PCDHB6: variants seen among roughly 807,000 people sequenced by gnomAD.
PCDHB6 encodes the protein protocadherin beta-6.
For synonymous variants in PCDHB6, 506 were observed against 459.0 expected, an observed-to-expected ratio of 1.10 and a Z score of -1.31; for missense variants, 1,137 against 1,010.1, an observed-to-expected ratio of 1.13 and a Z score of -1.70.
Position 141,151,073 on chromosome 5 carries a change from G to T in PCDHB6, c.816G>T (p.Ser272=). 8.1e-6 allele frequency: 13 copies of T among 1,614,238 alleles called. No individual in the cohort carries two copies. The highest frequency in any genetic ancestry group is 1.1e-5 in the South Asian group (1 of 91,088). The change falls in exon 1 of 1, where the codon TCG becomes TCT. Residue 272 remains serine (S), a synonymous_variant. Coordinates refer to ENST00000231136, the MANE Select transcript of PCDHB6 (RefSeq NM_018939.4). Reference sequence around the variant, plus strand: ...CAGCCAGAGATTTAGATGCAGGATCGTTTGGGAAGGTATCTTACGCCCTGT... The same window carrying T: ...CAGCCAGAGATTTAGATGCAGGATCTTTTGGGAAGGTATCTTACGCCCTGT... ...TVSARDLDAG[S]FGKVSYALFQ...
rs1752916335 is a variant in PCDHB6, at chr5:141,152,586, A to C, written c.2329A>C (p.Thr777Pro). ...PIMPNFPPQG[T>P]EREMEETPTS... ...TATGCCCAACTTCCCTCCTCAGGGC[A>C]CTGAGAGAGAAATGGAAGAAACCCC... The change falls in exon 1 of 1, where the codon ACT (threonine) becomes CCT (proline). Residue 777 changes from threonine (T) to proline (P), a missense_variant. Thr to Pro is a conservative substitution (Grantham distance 38, BLOSUM62 -1). Transcript: ENST00000231136. The C allele has an allele frequency of 1.9e-6, 3 of 1,612,544 alleles. No homozygotes were observed. Among genetic ancestry groups the C allele is most frequent in the African/African-American group, 1.3e-5 (1 of 74,728 alleles).
Position 141,151,344 on chromosome 5 carries a change from G to A in PCDHB6, c.1087G>A (p.Val363Met), listed in dbSNP as rs782360167. 6.2e-6 allele frequency: 10 copies of A among 1,614,038 alleles called. No homozygotes were observed. The highest frequency in any genetic ancestry group is 1.3e-5 in the African/African-American group (1 of 74,904). ...CCCAGAAAACTTACCAGAGATCACA[G>A]TGGCAGTTTTCAGTGTTTCAGATGC... The part of the protein sequence containing the change: ...LIPENLPEIT[V>M]AVFSVSDADS... Residue 363 changes from valine (V) to methionine (M), a missense_variant, in exon 1 of 1, where the codon GTG becomes ATG. Coordinates refer to ENST00000231136, the MANE Select transcript of PCDHB6 (RefSeq NM_018939.4).
In PCDHB6 at chr5:141,151,117, A is replaced by G. The variant is rs372655532; in HGVS notation, c.860A>G (p.Asn287Ser). The G allele has an allele frequency of 4.3e-6, 7 of 1,614,134 alleles. No individual in the cohort carries two copies. The African/African-American group carries it at 9.3e-5, about 22-fold the overall frequency. Reference protein sequence around the residue: ...SYALFQVDDVNQPFEINAITG... With the variant: ...SYALFQVDDVSQPFEINAITG... ...GCCCTGTTTCAAGTCGATGACGTCA[A>G]CCAACCCTTCGAAATAAACGCAATC... The change falls in exon 1 of 1, where the codon AAC becomes AGC. Residue 287 changes from asparagine to serine, a missense_variant. By Grantham distance (46) the Asn-to-Ser change is conservative. Transcript: ENST00000231136.
rs10074020 is a variant in PCDHB6, at chr5:141,152,907, A to C, written c.*265A>C. ...TAAATTATCTATTCTTCCCCCCCCC[A>C]AAAAAAAGTATTGTAAATCCTTAAG... On this transcript the variant is annotated 3_prime_UTR_variant, in exon 1 of 1. Coordinates refer to ENST00000231136, the MANE Select transcript of PCDHB6 (RefSeq NM_018939.4). The C allele has an allele frequency of 0.43, 83,234 of 195,480 alleles. 17,393 individuals carry two copies. Among genetic ancestry groups the C allele is most frequent in the East Asian group, 0.51 (3,585 of 7,064 alleles). 12.1% of individuals were successfully genotyped at this position (195,480 alleles called of 1,614,324 possible).
rs782626231 is a variant in PCDHB6 at position 141,152,587 on chromosome 5, CTG to C, written c.2331_2332del (p.Glu780AsnfsTer10). 1 of 1,612,776 alleles carries C rather than the reference CTG, an allele frequency of 6.2e-7. No homozygotes were observed. The highest frequency in any genetic ancestry group is 8.5e-7 in the Non-Finnish European group (1 of 1,179,196). ...ATGCCCAACTTCCCTCCTCAGGGCA[CTG>C]AGAGAGAAATGGAAGAAACCCCCAC... On this transcript the variant is annotated frameshift_variant, in exon 1 of 1. Coordinates refer to ENST00000231136, the MANE Select transcript of PCDHB6 (RefSeq NM_018939.4). LOFTEE classifies it low-confidence loss of function (END_TRUNC).
Position 141,150,537 on chromosome 5 carries a change from C to T in PCDHB6, c.280C>T (p.Leu94=). 1 of 1,614,136 alleles carries T rather than the reference C, an allele frequency of 6.2e-7. No homozygotes were observed. Among genetic ancestry groups the T allele is most frequent in the Non-Finnish European group, 8.5e-7 (1 of 1,180,026 alleles). The stretch of plus-strand genomic sequence containing the variant: ...AAATGAAAAACTGGACCGGGAGGAG[C>T]TGTGTGGCTCCACTGAGCCGTGTGT... ...LLNEKLDREE[L]CGSTEPCVLP... Residue 94 remains leucine (L), a synonymous_variant, in exon 1 of 1, where the codon CTG becomes TTG. Transcript: ENST00000231136.
chr5:141,150,802 G>C lies in PCDHB6; in HGVS notation c.545G>C (p.Arg182Pro). The change falls in exon 1 of 1, where the codon CGC becomes CCC. Residue 182 changes from arginine (R) to proline (P), a missense_variant. By Grantham distance (103) the Arg-to-Pro change is moderately radical. Coordinates refer to ENST00000231136, the MANE Select transcript of PCDHB6 (RefSeq NM_018939.4). ...AACCCTCACTTCCACGTTCTCACCC[G>C]CAATCGCAGCGAAGGCAGGAAGTTC... ...SSNPHFHVLT[R>P]NRSEGRKFPE... 2 of 1,614,126 alleles carry C rather than the reference G, an allele frequency of 1.2e-6. No individual in the cohort carries two copies. The highest frequency in any genetic ancestry group is 1.7e-6 in the Non-Finnish European group (2 of 1,180,026).
chr5:141,150,634 A>G lies in PCDHB6; in HGVS notation c.377A>G (p.Asn126Ser), dbSNP rs1752830075. 3.1e-6 allele frequency: 5 copies of G among 1,614,140 alleles called. No homozygotes were observed. The highest frequency in any genetic ancestry group is 4.2e-6 in the Non-Finnish European group (5 of 1,180,022). Residue 126 changes from asparagine (N) to serine (S), a missense_variant, in exon 1 of 1, where the codon AAT becomes AGT. By Grantham distance (46) the Asn-to-Ser change is conservative. Coordinates refer to ENST00000231136, the MANE Select transcript of PCDHB6 (RefSeq NM_018939.4). ...GCTTCCTTGCGAGTCAGAGATATAAATGACCACGCCCCGGAATTCCCTGCC... is the reference window on the plus strand; with the variant it reads ...GCTTCCTTGCGAGTCAGAGATATAAGTGACCACGCCCCGGAATTCCCTGCC... Reference protein sequence around the residue: ...FQASLRVRDINDHAPEFPARE... With the variant: ...FQASLRVRDISDHAPEFPARE...
In PCDHB6 at chr5:141,151,899, C is replaced by G. The variant is rs1752883221; in HGVS notation, c.1642C>G (p.Leu548Val). 6.2e-7 allele frequency: 1 copy of G among 1,611,864 alleles called. No homozygotes were observed. The highest frequency in any genetic ancestry group is 1.3e-5 in the African/African-American group (1 of 74,948). ...ALSSEALVRL[L>V]VLDANDNSPF... Reference sequence around the variant, plus strand: ...GAGCAGCGAGGCGCTGGTGCGCTTGCTGGTGCTGGACGCCAACGACAACTC... The same window carrying G: ...GAGCAGCGAGGCGCTGGTGCGCTTGGTGGTGCTGGACGCCAACGACAACTC... Residue 548 changes from leucine (L) to valine (V), a missense_variant, in exon 1 of 1, where the codon CTG becomes GTG. Physicochemically the swap from Leu to Val is conservative, Grantham distance 32. Coordinates refer to ENST00000231136, the MANE Select transcript of PCDHB6 (RefSeq NM_018939.4).
chr5:141,150,152 A>T lies in PCDHB6; in HGVS notation c.-106A>T. 1.2e-6 allele frequency: 1 copy of T among 865,860 alleles called. No individual in the cohort carries two copies. The highest frequency in any genetic ancestry group is 1.8e-6 in the Non-Finnish European group (1 of 560,804). The allele number at this position is 865,860 out of a possible 1,614,324, so 53.6% of individuals were successfully genotyped here. A position where few individuals can be genotyped will look rare whatever the true frequency, so the allele number is the denominator to read the frequency against. ...AGGCAGTCGTCGCCAGACAAGTTGT[A>T]AGAACGAATTTAAAAATCTCTGCAA... On this transcript the variant is annotated 5_prime_UTR_variant, in exon 1 of 1. It removes the in-frame stop codon of an upstream open reading frame in the 5' UTR. Coordinates refer to ENST00000231136, the MANE Select transcript of PCDHB6 (RefSeq NM_018939.4).
Position 141,152,591 on chromosome 5 carries a change from G to A in PCDHB6, c.2334G>A (p.Glu778=). ...IMPNFPPQGT[E]REMEETPTSR... ...CCAACTTCCCTCCTCAGGGCACTGAGAGAGAAATGGAAGAAACCCCCACCT... is the reference window on the plus strand; with the variant it reads ...CCAACTTCCCTCCTCAGGGCACTGAAAGAGAAATGGAAGAAACCCCCACCT... Residue 778 remains glutamate, a synonymous_variant, in exon 1 of 1, where the codon GAG becomes GAA. Transcript: ENST00000231136. The A allele has an allele frequency of 6.2e-7, 1 of 1,612,116 alleles. No homozygotes were observed.
At position 141,151,282 on chromosome 5, in the gene PCDHB6, C is replaced by A. The variant is rs782683187; in HGVS notation, c.1025C>A (p.Ala342Asp). Residue 342 changes from alanine to aspartate, a missense_variant, in exon 1 of 1, where the codon GCC becomes GAC. By Grantham distance (126) the Ala-to-Asp change is moderately radical (BLOSUM62 -2). Transcript: ENST00000231136. The stretch of plus-strand genomic sequence containing the variant: ...AGGGTCCTGGACGTGAATGACAATG[C>A]CCCTGAACTCACCATGTCGTTCTTC... ...VVRVLDVNDN[A>D]PELTMSFFIS... The A allele has an allele frequency of 6.2e-7, 1 of 1,614,114 alleles. No homozygotes were observed. The highest frequency in any genetic ancestry group is 1.7e-5 in the Admixed American group (1 of 60,018).
rs200563191 is a variant in PCDHB6 at position 141,152,273 on chromosome 5, T to G, written c.2016T>G (p.Pro672=). ...DGFSQPYLPL[P]EAAPAQAQAD... Reference sequence around the variant, plus strand: ...TCTCCCAGCCCTACCTGCCTCTCCCTGAGGCGGCCCCGGCCCAAGCCCAGG... The same window carrying G: ...TCTCCCAGCCCTACCTGCCTCTCCCGGAGGCGGCCCCGGCCCAAGCCCAGG... The change falls in exon 1 of 1, where the codon CCT becomes CCG. Residue 672 remains proline, a synonymous_variant. Coordinates refer to ENST00000231136, the MANE Select transcript of PCDHB6 (RefSeq NM_018939.4). 6.6e-5 allele frequency: 106 copies of G among 1,608,130 alleles called. No homozygotes were observed. The highest frequency in any genetic ancestry group is 2.1e-4 in the Middle Eastern group (1 of 4,814).
chr5:141,150,947 G>A lies in PCDHB6; in HGVS notation c.690G>A (p.Gln230=). ...CAGGGACCTCCGAGATTCAGATCCA[G>A]GTTTTGGACATCAATGACAACGTCC... ...PRSGTSEIQI[Q]VLDINDNVPE... Residue 230 remains glutamine, a synonymous_variant, in exon 1 of 1, where the codon CAG becomes CAA. Transcript: ENST00000231136. 1 of 1,614,158 alleles carries A rather than the reference G, an allele frequency of 6.2e-7. No homozygotes were observed. The highest frequency in any genetic ancestry group is 8.5e-7 in the Non-Finnish European group (1 of 1,179,998).
chr5:141,152,835 T>C lies in PCDHB6; in HGVS notation c.*193T>C. ...CTTCACTTGAGGGTACTTGACAATA[T>C]GAACAAAAAGTAAATTTTTATTTGC... is the stretch of plus-strand genomic sequence containing the variant. On this transcript the variant is annotated 3_prime_UTR_variant, in exon 1 of 1. Coordinates refer to ENST00000231136, the MANE Select transcript of PCDHB6 (RefSeq NM_018939.4). 2.3e-6 allele frequency: 1 copy of C among 438,426 alleles called. No individual in the cohort carries two copies. The highest frequency in any genetic ancestry group is 4.0e-6 in the Non-Finnish European group (1 of 252,300). The allele number at this position is 438,426 out of a possible 1,614,324, so 27.2% of individuals were successfully genotyped here.
At position 141,151,661 on chromosome 5, in the gene PCDHB6, C is replaced by A. The variant is rs1428955317; in HGVS notation, c.1404C>A (p.Ile468=). 9 of 1,613,312 alleles carry A rather than the reference C, an allele frequency of 5.6e-6. No individual in the cohort carries two copies. Among genetic ancestry groups the A allele is most frequent in the Non-Finnish European group, 7.6e-6 (9 of 1,180,048 alleles). ...AGAACAACAGCCCCGCCCTGCACAT[C>A]GGCAGCGTCAGCGCCACAGACAGAG... ...VRENNSPALH[I]GSVSATDRDS... is the part of the protein sequence containing the mutation. The change falls in exon 1 of 1, where the codon ATC becomes ATA. Residue 468 remains isoleucine (I), a synonymous_variant. Transcript: ENST00000231136.
In PCDHB6 at chr5:141,152,429, G is replaced by C. The variant is rs781978959; in HGVS notation, c.2172G>C (p.Ser724=). 2 of 1,613,630 alleles carry C rather than the reference G, an allele frequency of 1.2e-6. No homozygotes were observed. The highest frequency in any genetic ancestry group is 2.2e-5 in the South Asian group (2 of 91,054). Residue 724 remains serine, a synonymous_variant, in exon 1 of 1, where the codon TCG becomes TCC. Coordinates refer to ENST00000231136, the MANE Select transcript of PCDHB6 (RefSeq NM_018939.4). ...RSRAASVGRY[S]VPEGPFPGHL... is the part of the protein sequence containing the mutation. ...GGGCGGCCTCGGTGGGTCGCTACTC[G>C]GTGCCCGAGGGTCCCTTTCCAGGGC...
In PCDHB6 at chr5:141,151,535, A is replaced by T. The variant is rs1752864235; in HGVS notation, c.1278A>T (p.Thr426=). Reference sequence around the variant, plus strand: ...CTATCACGGTCACTGATTTGGGGACACCAAGGCTGAAAACCCAGCAGAGCA... The same window carrying T: ...CTATCACGGTCACTGATTTGGGGACTCCAAGGCTGAAAACCCAGCAGAGCA... ...NITITVTDLG[T]PRLKTQQSIT... The change falls in exon 1 of 1, where the codon ACA becomes ACT. Residue 426 remains threonine, a synonymous_variant. Transcript: ENST00000231136. The T allele has an allele frequency of 6.2e-7, 1 of 1,614,066 alleles. No homozygotes were observed. The highest frequency in any genetic ancestry group is 8.5e-7 in the Non-Finnish European group (1 of 1,180,038).
Position 141,151,203 on chromosome 5 carries a change from G to C in PCDHB6, c.946G>C (p.Asp316His). ...TGAGGAAATTCAGTCTTATGACGTG[G>C]ATGTTGAGGCTACAGATGGTGGAGG... ...DFEEIQSYDV[D>H]VEATDGGGLS... Residue 316 changes from aspartate to histidine, a missense_variant, in exon 1 of 1, where the codon GAT becomes CAT. Transcript: ENST00000231136. 1 of 1,614,168 alleles carries C rather than the reference G, an allele frequency of 6.2e-7. No homozygotes were observed. The highest frequency in any genetic ancestry group is 8.5e-7 in the Non-Finnish European group (1 of 1,180,024).
Sources: gnomAD v4.1 joint callset for allele counts on GRCh38, gnomAD v4.1.1 for gene constraint, MANE v1.5 for transcripts, NCBI Gene and HGNC (gene_info 2026-07-23, HGNC 2026-07-21) for gene names.